RABGAP1L: variants seen among roughly 807,000 people sequenced by gnomAD.
RABGAP1L encodes the protein RAB GTPase activating protein 1 like, also known as rab GTPase-activating protein 1-like.
Under a neutral mutation model 137.7 loss-of-function variants are expected in RABGAP1L, and 63 were observed. That is an observed-to-expected ratio of 0.46 (90% confidence interval 0.37 to 0.56). The LOEUF is 0.56. Among genes scored for constraint, RABGAP1L ranks in the 20% least tolerant of loss-of-function variants. The pLI, the probability that RABGAP1L is intolerant of heterozygous loss-of-function variation, is 0.00. For synonymous variants in RABGAP1L, 431 were observed against 433.7 expected (o/e 0.99, Z 0.08); for missense variants, 1,095 against 1,244.0 (o/e 0.88, Z 1.80).
At chr1:174,297,934 C>A (rs570290170) in intron 10 of RABGAP1L, among the ~76,000 whole-genome samples, 1 of 152,236 alleles carries the variant, frequency 6.6e-6, no homozygotes, top group East Asian at 1.9e-4. Context: ...CCTAAGCCAA[C>A]CAGTGTAAGG....
At chr1:174,262,378 A>G (rs575251258) in intron 7 of RABGAP1L, among the ~76,000 whole-genome samples, 5 of 152,346 alleles carry the variant, frequency 3.3e-5, no homozygotes, top group South Asian at 2.1e-4. Context: ...AATATGAGCA[A>G]TGAAAACATA....
At chr1:174,543,293 A>G (rs1236960712) in intron 13 of RABGAP1L, among the ~76,000 whole-genome samples, 12 of 152,142 alleles carry the variant, frequency 7.9e-5, no homozygotes, top group Non-Finnish European at 2.9e-5. Flanking sequence ...TTGGGTGCAT[A>G]TATATTTAGG....
At chr1:174,252,615 A>T in intron 7 of RABGAP1L, 25 bp downstream of exon 7, 1 of 1,598,636 alleles carries the variant, frequency 6.3e-7, no homozygotes, top group Non-Finnish European at 8.5e-7. Flanking sequence ...CCTAAATGCT[A>T]CCAAAAACTT....
intron 4 of RABGAP1L, among the ~76,000 whole-genome samples, chr1:174,239,448 TC>T (rs1276724513): frequency 1.3e-5 from 2 of 152,214 alleles, no homozygotes; most frequent in Admixed American, 6.5e-5. Context: ...ATCTTTATAC[TC>T]CCTAAGTAAA....
intron 13 of RABGAP1L, among the ~76,000 whole-genome samples, chr1:174,449,922 A>G (rs1000905014): frequency 2.6e-5 from 4 of 151,994 alleles, no homozygotes; most frequent in African/African-American, 4.8e-5. Context: ...ATCTGCATCC[A>G]TTGGTACCTT....
intron 13 of RABGAP1L, among the ~76,000 whole-genome samples, chr1:174,442,864 A>G (rs1164695554): frequency 6.6e-6 from 1 of 151,948 alleles, no homozygotes; most frequent in Non-Finnish European, 1.5e-5. Flanking sequence ...ACTTCTTTTC[A>G]TTCCTTTTTC....
intron 13 of RABGAP1L, among the ~76,000 whole-genome samples, chr1:174,496,554 A>G (rs927459521): frequency 6.6e-6 from 1 of 152,220 alleles, no homozygotes; most frequent in African/African-American, 2.4e-5. Flanking sequence ...ATTTGAGGGC[A>G]TCAGTAGTGG....
At chr1:174,320,507 T>C (rs1281936331) in intron 11 of RABGAP1L, among the ~76,000 whole-genome samples, 1 of 152,210 alleles carries the variant, frequency 6.6e-6, no homozygotes. Context: ...TTCTAGCTAC[T>C]GGCTATCGTG....
At chr1:174,390,652 G>A (rs1180751612) in intron 12 of RABGAP1L, among the ~76,000 whole-genome samples, 1 of 152,142 alleles carries the variant, frequency 6.6e-6, no homozygotes, top group Non-Finnish European at 1.5e-5. Flanking sequence ...AGTCTGGGGA[G>A]GATAAAGTTG....
At chr1:174,275,650 TAGA>T (rs1674936017) in intron 8 of RABGAP1L, among the ~76,000 whole-genome samples, 180 bp from the exon 9 acceptor site, 1 of 152,192 alleles carries the variant, frequency 6.6e-6, no homozygotes, top group Non-Finnish European at 1.5e-5. Context: ...AAGAAAGCTG[TAGA>T]AGAATTTAAT....
intron 14 of RABGAP1L, among the ~76,000 whole-genome samples, chr1:174,647,506 C>T (rs938530648): frequency 4.6e-5 from 7 of 151,970 alleles, no homozygotes; most frequent in Non-Finnish European, 1.0e-4. Context: ...TGTTGGATTA[C>T]ATTGATTGAT....
chr1:174,457,045 A>G (rs905000892), intron 13 of RABGAP1L, among the ~76,000 whole-genome samples: 1 of 152,206 alleles, frequency 6.6e-6, no homozygotes, highest in South Asian at 2.1e-4. Context: ...TGTGAATCCA[A>G]TAAGCAGGAA....
intron 17 of RABGAP1L, among the ~76,000 whole-genome samples, chr1:174,742,563 C>T (rs1683533647): frequency 6.6e-6 from 1 of 152,094 alleles, no homozygotes; most frequent in Admixed American, 6.6e-5. Flanking sequence ...AGAACTCTAA[C>T]AAAAGATTTC....
At chr1:174,431,178 G>T (rs1217106983) in intron 13 of RABGAP1L, among the ~76,000 whole-genome samples, 1 of 152,070 alleles carries the variant, frequency 6.6e-6, no homozygotes, top group South Asian at 2.1e-4. Flanking sequence ...GCAGACTTTT[G>T]TAGGAAATAT....
At chr1:174,419,376 CAT>C (rs1650989963) in intron 13 of RABGAP1L, among the ~76,000 whole-genome samples, 1 of 152,200 alleles carries the variant, frequency 6.6e-6, no homozygotes, top group African/African-American at 2.4e-5. Context: ...GGGTCTAGAT[CAT>C]AGACTGTAAA....
intron 13 of RABGAP1L, among the ~76,000 whole-genome samples, chr1:174,478,744 G>A (rs1223105055): frequency 6.6e-6 from 1 of 152,112 alleles, no homozygotes; most frequent in Non-Finnish European, 1.5e-5. Flanking sequence ...TTAAATTAGA[G>A]ACCAATACAA....
At chr1:174,440,864 T>C (rs1654050534) in intron 13 of RABGAP1L, among the ~76,000 whole-genome samples, 1 of 152,042 alleles carries the variant, frequency 6.6e-6, no homozygotes, top group South Asian at 2.1e-4. Context: ...GGTCTCTATT[T>C]GTTTACCTTC....
intron 10 of RABGAP1L, among the ~76,000 whole-genome samples, chr1:174,295,118 C>T (rs181866176): frequency 5.3e-5 from 8 of 151,654 alleles, no homozygotes; most frequent in East Asian, 1.9e-4. Context: ...GGGGTTTCAC[C>T]GTGTTAGCCA....
chr1:174,527,687 T>G (rs988165043), intron 13 of RABGAP1L, among the ~76,000 whole-genome samples: 1 of 152,144 alleles, frequency 6.6e-6, no homozygotes, highest in Non-Finnish European at 1.5e-5. Flanking sequence ...CAATGTTTCT[T>G]TACTGATTTT....
Sources: allele counts gnomAD v4.1 joint callset (sites outside exome capture counted in the v4.1 genomes callset), GRCh38; gene constraint gnomAD v4.1.1; transcripts MANE v1.5; gene names NCBI Gene and HGNC (gene_info 2026-07-23, HGNC 2026-07-21).